The following STK3 variants were observed in gnomAD, a reference collection of about 807,000 sequenced individuals.
STK3 encodes the protein serine/threonine-protein kinase 3.
Under a neutral mutation model 58.0 loss-of-function variants are expected in STK3, and 41 were observed. The observed-to-expected ratio is 0.71, with a 90% CI of 0.55 to 0.92. The LOEUF (loss-of-function observed/expected upper bound fraction) is 0.92. Ranked by LOEUF, STK3 falls within the 40% of genes least tolerant of loss-of-function variation. The pLI is 0.00. For missense variants in STK3, 479 were observed against 602.7 expected (o/e 0.79, Z 2.15); for synonymous variants, 170 against 191.0 (o/e 0.89, Z 0.91).
At position 98,707,416 on chromosome 8, in the gene STK3, T is replaced by G. The variant is rs113075675; in HGVS notation, c.352-105A>C. ...TGTCTTTCCGTGTGTGTGTGTGTGT[T>G]TTTTTTTAAGAGACCCCACTCTGTT... On this transcript the variant is annotated intron_variant, in intron 4 of 10. Coordinates refer to ENST00000419617, the MANE Select transcript of STK3 (RefSeq NM_006281.4). 1.2e-3 allele frequency: 1,057 copies of G among 865,004 alleles called. 8 individuals are homozygous for G. In the African/African-American group the frequency reaches 0.013, roughly 11 times the overall value. 53.6% of individuals were successfully genotyped at this position (865,004 alleles called of 1,614,324 possible). A position where few individuals can be genotyped will look rare whatever the true frequency, so the allele number is the denominator to read the frequency against.
intron 2 of STK3, among the ~76,000 whole-genome samples, chr8:98,767,586 T>C (rs1831029061): frequency 1.3e-5 from 2 of 152,214 alleles, no homozygotes; most frequent in South Asian, 4.1e-4. Flanking sequence ...CAAGTTAACA[T>C]ATAATGAGTA....
chr8:98,572,028 T>G (rs976238477), intron 8 of STK3, among the ~76,000 whole-genome samples: 2 of 152,204 alleles, frequency 1.3e-5, no homozygotes, highest in African/African-American at 4.8e-5. Flanking sequence ...CATCATCCAA[T>G]GTACCACATG....
At chr8:98,599,637 G>T (rs1816160576) in intron 6 of STK3, among the ~76,000 whole-genome samples, 1 of 152,154 alleles carries the variant, frequency 6.6e-6, no homozygotes, top group African/African-American at 2.4e-5. Flanking sequence ...AGAGGAAAAA[G>T]AGGGAAGGAC....
chr8:98,649,629 G>C (rs1486763012), intron 6 of STK3, among the ~76,000 whole-genome samples: 2 of 152,070 alleles, frequency 1.3e-5, no homozygotes, highest in African/African-American at 4.8e-5. Flanking sequence ...AATTACAGTA[G>C]CTTTAGAATT....
chr8:98,561,540 T>C (rs1297377653), intron 8 of STK3, among the ~76,000 whole-genome samples: 1 of 152,210 alleles, frequency 6.6e-6, no homozygotes, highest in South Asian at 2.1e-4. Context: ...TGGTGGCTCA[T>C]GCCTGGTAAT....
At chr8:98,358,290 C>G in the STK3 span, among the ~76,000 whole-genome samples, 2 of 152,152 alleles carry the variant, frequency 1.3e-5, no homozygotes, top group Admixed American at 1.3e-4. Flanking sequence ...AGCTCTTCCC[C>G]GGGTCAGGCA....
At chr8:98,700,184 A>C (rs1825432378) in intron 6 of STK3, among the ~76,000 whole-genome samples, 1 of 152,152 alleles carries the variant, frequency 6.6e-6, no homozygotes, top group Admixed American at 6.5e-5. Flanking sequence ...GCGGGATATA[A>C]TCTCCTGGTG....
chr8:98,575,568 C>T (rs905052741), intron 8 of STK3, among the ~76,000 whole-genome samples: 4 of 151,564 alleles, frequency 2.6e-5, no homozygotes, highest in Non-Finnish European at 4.4e-5. Flanking sequence ...CTGTCCTGGT[C>T]TCTGGTAACC....
chr8:98,473,806 C>T (rs1471081464), intron 10 of STK3, among the ~76,000 whole-genome samples: 1 of 152,132 alleles, frequency 6.6e-6, no homozygotes, highest in Non-Finnish European at 1.5e-5. Context: ...TTCTTCTCAA[C>T]TACTAAATGT....
At chr8:98,420,874 A>G (rs1224803755) in intron 3 of STK3, among the ~76,000 whole-genome samples, 1 of 152,244 alleles carries the variant, frequency 6.6e-6, no homozygotes, top group Non-Finnish European at 1.5e-5. Flanking sequence ...TCTTTAATGC[A>G]TCTTTTAATT....
chr8:98,586,049 C>T (rs1045316080), intron 7 of STK3, among the ~76,000 whole-genome samples: 1 of 152,148 alleles, frequency 6.6e-6, no homozygotes, highest in Non-Finnish European at 1.5e-5. Flanking sequence ...CAGACAGGGA[C>T]AATTTGACTT....
chr8:98,837,764 T>C (rs532168674), intron 3 of STK3, among the ~76,000 whole-genome samples: 3 of 152,116 alleles, frequency 2.0e-5, no homozygotes, highest in Non-Finnish European at 2.9e-5. Context: ...CCCCCATCTC[T>C]ACCAAAAAAA....
chr8:98,483,065 AT>A (rs2131287589), intron 10 of STK3, among the ~76,000 whole-genome samples: 1 of 152,298 alleles, frequency 6.6e-6, no homozygotes, highest in African/African-American at 2.4e-5. Context: ...CTCTAACTGA[AT>A]CCAGACCTAT....
intron 1 of STK3, among the ~76,000 whole-genome samples, chr8:98,802,545 C>T (rs1291380201): frequency 6.6e-6 from 1 of 152,122 alleles, no homozygotes; most frequent in Non-Finnish European, 1.5e-5. Flanking sequence ...TTCACTTTCT[C>T]AACTTTGCTA....
chr8:98,487,184 C>T (rs1472273292), intron 10 of STK3, among the ~76,000 whole-genome samples: 2 of 151,966 alleles, frequency 1.3e-5, no homozygotes, highest in African/African-American at 4.8e-5. Context: ...CATAAGTTCA[C>T]TATAAAGTAG....
chr8:98,719,548 G>A lies in STK3; in HGVS notation c.352-12237C>T, dbSNP rs185281706. Among the ~76,000 whole-genome samples the A allele has an allele frequency of 4.0e-3, 608 of 152,278 alleles. 3 individuals carry two copies. The highest frequency in any genetic ancestry group is 0.012 in the African/African-American group (510 of 41,552). On this transcript the variant is annotated intron_variant, in intron 4 of 10. Transcript: ENST00000419617. The stretch of plus-strand genomic sequence containing the variant: ...AGCAAGTCTAAAGGAGGATTTTCCA[G>A]GGATATTATACTAATTCATGAACTG...
chr8:98,485,392 G>A (rs1822174212), intron 10 of STK3, among the ~76,000 whole-genome samples: 1 of 152,188 alleles, frequency 6.6e-6, no homozygotes, highest in South Asian at 2.1e-4. Flanking sequence ...TATGGAGTGT[G>A]TTTTATAAAC....
At chr8:98,795,834 T>C (rs571817365) in intron 1 of STK3, among the ~76,000 whole-genome samples, 17 of 151,354 alleles carry the variant, frequency 1.1e-4, no homozygotes, top group Admixed American at 7.2e-4. Context: ...TACAATACAA[T>C]ACAATACAAT....
intron 8 of STK3, among the ~76,000 whole-genome samples, chr8:98,557,119 A>G (rs553501351): frequency 6.6e-5 from 10 of 152,136 alleles, no homozygotes; most frequent in Non-Finnish European, 1.3e-4. Flanking sequence ...CAACTGCAAG[A>G]TGAGCACAAA....
Sources: gnomAD v4.1 joint callset for allele counts (sites outside exome capture counted in the v4.1 genomes callset) on GRCh38, gnomAD v4.1.1 for gene constraint, MANE v1.5 for transcripts, NCBI Gene and HGNC (gene_info 2026-07-23, HGNC 2026-07-21) for gene names.